The following STAG1 variants were observed in gnomAD, a reference collection of about 807,000 sequenced individuals.
STAG1 encodes cohesin subunit SA-1.
A neutral mutation model predicts 170.9 loss-of-function variants in STAG1; 26 were observed. That is an observed-to-expected ratio of 0.15 (90% CI 0.11 to 0.21). The LOEUF (loss-of-function observed/expected upper bound fraction) is 0.21, where lower values mean the gene tolerates loss of function less well. Ranked by LOEUF, STAG1 falls within the 10% of genes least tolerant of loss-of-function variation. The probability of loss-of-function intolerance (pLI) is 1.00; values close to 1 mark genes in which losing one functional copy is unlikely to be tolerated. For missense variants in STAG1, 964 were observed against 1,509.5 expected, an observed-to-expected ratio of 0.64 and a Z score of 5.99; for synonymous variants, 514 against 497.7, an observed-to-expected ratio of 1.03 and a Z score of -0.44.
At chr3:136,663,794 C>G (rs535840959) in intron 1 of STAG1, among the ~76,000 whole-genome samples, 30 of 151,954 alleles carry the variant, frequency 2.0e-4, no homozygotes, top group Admixed American at 6.5e-5. Context: ...AAATCATAAA[C>G]ATATGGAAGG....
intron 1 of STAG1, among the ~76,000 whole-genome samples, chr3:136,663,260 A>G (rs1232085049): frequency 6.6e-6 from 1 of 152,156 alleles, no homozygotes; most frequent in Non-Finnish European, 1.5e-5. Flanking sequence ...TGCTTAATAT[A>G]AGCCAGGAAC....
intron 1 of STAG1, among the ~76,000 whole-genome samples, chr3:136,735,639 T>C (rs1481141393): frequency 6.6e-6 from 1 of 151,818 alleles, no homozygotes; most frequent in Non-Finnish European, 1.5e-5. Context: ...TTTGAGACAG[T>C]TTCACTTTTG....
chr3:136,736,887 A>G, intron 1 of STAG1: 1 of 1,584,288 alleles, frequency 6.3e-7, no homozygotes, highest in Non-Finnish European at 8.6e-7. Flanking sequence ...CCTGAATTAC[A>G]TCCAGGGTCC....
In STAG1 at chr3:136,502,732, T is replaced by C. The variant is rs1262243915; in HGVS notation, c.724A>G (p.Ile242Val). Residue 242 changes from isoleucine to valine, a missense_variant, in exon 8 of 34, where the codon ATT becomes GTT. Transcript: ENST00000383202. ...TGTCTCTGGGTATTATCCTGATGAATACTGAGGTTTAAGGCAACATTCACC... is the reference window on the plus strand; with the variant it reads ...TGTCTCTGGGTATTATCCTGATGAACACTGAGGTTTAAGGCAACATTCACC... ...ALVNVALNLS[I>V]HQDNTQRQYE... The C allele has an allele frequency of 3.7e-6, 6 of 1,613,116 alleles. No homozygotes were observed. The highest frequency in any genetic ancestry group is 4.2e-6 in the Non-Finnish European group (5 of 1,179,660).
chr3:136,725,919 C>T (rs1933638572), intron 1 of STAG1, among the ~76,000 whole-genome samples: 1 of 152,200 alleles, frequency 6.6e-6, no homozygotes, highest in Non-Finnish European at 1.5e-5. Context: ...TAGTTAGAAA[C>T]CTGGAGATCG....
Position 136,704,930 on chromosome 3 carries a change from T to C in STAG1, c.-84+47265A>G, listed in dbSNP as rs555483502. Among the ~76,000 whole-genome samples the C allele has an allele frequency of 1.4e-3, 215 of 151,364 alleles. 2 individuals carry two copies. The highest frequency in any genetic ancestry group is 4.8e-3 in the African/African-American group (197 of 41,248). Reference sequence around the variant, plus strand: ...CACACAAAACAATGGAGCCCCGAAATTGTGTGCAAACACTGAGAGAACTAA... The same window carrying C: ...CACACAAAACAATGGAGCCCCGAAACTGTGTGCAAACACTGAGAGAACTAA... On this transcript the variant is annotated intron_variant, in intron 1 of 33. Transcript: ENST00000383202.
At chr3:136,509,735 T>G (rs757961653) in intron 7 of STAG1, among the ~76,000 whole-genome samples, 1 of 152,228 alleles carries the variant, frequency 6.6e-6, no homozygotes, top group Non-Finnish European at 1.5e-5. Context: ...GGAAATGGGA[T>G]GCCTAAAACG....
chr3:136,566,275 C>T (rs1304704540), intron 5 of STAG1, among the ~76,000 whole-genome samples: 3 of 152,126 alleles, frequency 2.0e-5, no homozygotes, highest in Non-Finnish European at 2.9e-5. Context: ...CTCCAGAAAA[C>T]GCTCTCAACC....
At chr3:136,533,700 G>A (rs368921935) in intron 6 of STAG1, among the ~76,000 whole-genome samples, 1 of 152,154 alleles carries the variant, frequency 6.6e-6, no homozygotes, top group African/African-American at 2.4e-5. Flanking sequence ...CTGTCCCCAT[G>A]ACCCAAACAC....
chr3:136,521,552 C>T (rs888322989), intron 6 of STAG1, 135 bp from the exon 7 acceptor site: 3 of 635,546 alleles, frequency 4.7e-6, no homozygotes, highest in African/African-American at 1.8e-5. Context: ...TTTCATAGCA[C>T]ATTTGATTGC....
chr3:136,495,374 T>G (rs1340681212), intron 9 of STAG1, among the ~76,000 whole-genome samples: 1 of 152,034 alleles, frequency 6.6e-6, no homozygotes, highest in Non-Finnish European at 1.5e-5. Context: ...AGAAGAAATC[T>G]TAGGGGTTAG....
intron 16 of STAG1, among the ~76,000 whole-genome samples, chr3:136,429,791 C>T (rs1221762948): frequency 6.6e-6 from 1 of 152,138 alleles, no homozygotes; most frequent in African/African-American, 2.4e-5. Flanking sequence ...TTCCTCCTCC[C>T]CAGTGTACTC....
At chr3:136,618,492 A>G (rs1158144451) in intron 3 of STAG1, among the ~76,000 whole-genome samples, 1 of 152,238 alleles carries the variant, frequency 6.6e-6, no homozygotes, top group Non-Finnish European at 1.5e-5. Context: ...AACTTTATAT[A>G]CAACATTATT....
At chr3:136,591,258 A>G (rs1576641518) in intron 4 of STAG1, among the ~76,000 whole-genome samples, 8 of 105,816 alleles carry the variant, frequency 7.6e-5, no homozygotes, top group African/African-American at 1.4e-4. Context: ...GGAGGAAGGG[A>G]GGAGGGAGGA....
chr3:136,352,215 G>T (rs918749804), intron 28 of STAG1, among the ~76,000 whole-genome samples: 1 of 152,140 alleles, frequency 6.6e-6, no homozygotes, highest in African/African-American at 2.4e-5. Flanking sequence ...AGGTTGGAGT[G>T]CAGTGGCACA....
At position 136,422,966 on chromosome 3, in the gene STAG1, T is replaced by C. The variant is rs750996682; in HGVS notation, c.1729A>G (p.Met577Val). 11 of 1,605,504 alleles carry C rather than the reference T, an allele frequency of 6.9e-6. No individual in the cohort carries two copies. Among genetic ancestry groups the C allele is most frequent in the East Asian group, 2.2e-5 (1 of 44,678 alleles). Residue 577 changes from methionine (M) to valine (V), a missense_variant, in exon 17 of 34, where the codon ATG becomes GTG. Met to Val is a conservative substitution (Grantham distance 21, BLOSUM62 1). Transcript: ENST00000383202. ...LTEHFIITLPMLLSKYSADAE... is the reference protein window; with the variant it reads ...LTEHFIITLPVLLSKYSADAE... Reference sequence around the variant, plus strand: ...TGAAACTGTACCTTTGACAGTAACATAGGAAGTGTAATAATAAAATGTTCA... The same window carrying C: ...TGAAACTGTACCTTTGACAGTAACACAGGAAGTGTAATAATAAAATGTTCA...
chr3:136,699,198 T>C (rs527462937), intron 1 of STAG1, among the ~76,000 whole-genome samples: 6 of 152,282 alleles, frequency 3.9e-5, no homozygotes, highest in African/African-American at 1.4e-4. Context: ...AAAAATCACC[T>C]GTACTCCCAA....
intron 1 of STAG1, among the ~76,000 whole-genome samples, chr3:136,697,534 T>G (rs767907859): frequency 6.6e-5 from 10 of 152,232 alleles, no homozygotes; most frequent in Admixed American, 2.0e-4. Flanking sequence ...ATGATTCTAA[T>G]GTGTGGTCAC....
intron 4 of STAG1, among the ~76,000 whole-genome samples, chr3:136,592,746 A>C (rs1481121971): frequency 1.3e-5 from 2 of 152,212 alleles, no homozygotes; most frequent in Non-Finnish European, 2.9e-5. Context: ...CATAGAGATT[A>C]CCAGCAGAAG....
Sources: allele counts gnomAD v4.1 joint callset (sites outside exome capture counted in the v4.1 genomes callset), GRCh38; gene constraint gnomAD v4.1.1; transcripts MANE v1.5; gene names NCBI Gene and HGNC (gene_info 2026-07-23, HGNC 2026-07-21).